Variants in HTR2B observed in about 807,000 individuals in gnomAD.
HTR2B encodes the protein 5-HT 2B receptor.
In HTR2B, 31 loss-of-function variants were observed where a neutral mutation model predicts 39.8. The ratio of observed to expected loss-of-function variants is 0.78; its 90% CI spans 0.58 to 1.05. The LOEUF (loss-of-function observed/expected upper bound fraction) is 1.05, where lower values mean the gene tolerates loss of function less well. Among genes scored for constraint, HTR2B ranks in the 50% least tolerant of loss-of-function variants. The probability of loss-of-function intolerance (pLI) is 0.00; values close to 1 mark genes in which losing one functional copy is unlikely to be tolerated. For missense variants in HTR2B, 562 were observed against 578.0 expected, an observed-to-expected ratio of 0.97 and a Z score of 0.28; for synonymous variants, 210 against 207.1, an observed-to-expected ratio of 1.01 and a Z score of -0.12.
chr2:231,115,703 G>C (rs1480255757), intron 2 of HTR2B, among the ~76,000 whole-genome samples: 3 of 152,112 alleles, frequency 2.0e-5, no homozygotes, highest in Admixed American at 6.5e-5. Flanking sequence ...AATTAAGTCT[G>C]AATATAGAGG....
At chr2:231,122,037 G>A (rs976188976) in intron 2 of HTR2B, among the ~76,000 whole-genome samples, 1 of 151,998 alleles carries the variant, frequency 6.6e-6, no homozygotes, top group Non-Finnish European at 1.5e-5. Context: ...TTCAGAATTA[G>A]GGTTATGTTC....
chr2:231,115,583 C>CT (rs374837366), intron 2 of HTR2B, among the ~76,000 whole-genome samples: 90 of 151,966 alleles, frequency 5.9e-4, no homozygotes, highest in African/African-American at 2.0e-3. Context: ...ACTTTGCCTG[C>CT]TTGTTGAATT....
At chr2:231,118,581 A>AT (rs1238649785) in intron 2 of HTR2B, among the ~76,000 whole-genome samples, 4 of 151,966 alleles carry the variant, frequency 2.6e-5, no homozygotes, top group African/African-American at 7.2e-5. Flanking sequence ...TGGTTTGGGT[A>AT]TTTTTTTGTT....
chr2:231,120,631 A>G (rs1037729340), intron 2 of HTR2B, among the ~76,000 whole-genome samples: 2 of 152,266 alleles, frequency 1.3e-5, no homozygotes, highest in Non-Finnish European at 2.9e-5. Flanking sequence ...GTTGAATAAA[A>G]TATCTCTCAG....
intron 2 of HTR2B, among the ~76,000 whole-genome samples, chr2:231,117,940 C>T (rs1695400000): frequency 6.6e-6 from 1 of 152,024 alleles, no homozygotes; most frequent in African/African-American, 2.4e-5. Flanking sequence ...GTTCTGTATG[C>T]CAAATATGAC....
intron 2 of HTR2B, among the ~76,000 whole-genome samples, chr2:231,114,603 A>G (rs1261021460): frequency 6.6e-6 from 1 of 152,234 alleles, no homozygotes; most frequent in Non-Finnish European, 1.5e-5. Flanking sequence ...AATAATTAGT[A>G]CAGACTTTTG....
intron 3 of HTR2B, among the ~76,000 whole-genome samples, chr2:231,112,987 A>G (rs748553005): frequency 6.6e-4 from 101 of 152,216 alleles, no homozygotes; most frequent in Non-Finnish European, 1.0e-3. Context: ...CAACATGACA[A>G]AACCCCACCT....
chr2:231,108,579 C>G lies in HTR2B; in HGVS notation c.1384G>C (p.Asp462His), dbSNP rs1300743615. ...TIQSSSIILL[D>H]TLLLTENEGD... ...TCATTTTCAGTGAGGAGAAGCGTAT[C>G]TAGTAGAATGATTGATGAAGACTGA... The change falls in exon 4 of 4, where the codon GAT becomes CAT. Residue 462 changes from aspartate to histidine, a missense_variant. Physicochemically the swap from Asp to His is moderately conservative, Grantham distance 81 (BLOSUM62 -1). Coordinates refer to ENST00000258400, the MANE Select transcript of HTR2B (RefSeq NM_000867.5). The G allele has an allele frequency of 1.2e-6, 2 of 1,613,954 alleles. No individual in the cohort carries two copies. Among genetic ancestry groups the G allele is most frequent in the Middle Eastern group, 3.3e-4 (2 of 6,060 alleles).
intron 2 of HTR2B, 124 bp downstream of exon 2, chr2:231,123,289 G>T (rs926882042): frequency 3.9e-6 from 3 of 769,360 alleles, no homozygotes; most frequent in East Asian, 2.7e-5. Context: ...TTTACTTGCC[G>T]TATCTTTAAA....
intron 3 of HTR2B, among the ~76,000 whole-genome samples, chr2:231,110,332 C>A (rs1007385980): frequency 5.3e-4 from 80 of 152,126 alleles, no homozygotes; most frequent in African/African-American, 1.6e-3. Context: ...AAAAAAAGTT[C>A]TTTTATGACC....
intron 2 of HTR2B, among the ~76,000 whole-genome samples, chr2:231,114,416 T>C (rs1225246062): frequency 2.0e-5 from 3 of 152,350 alleles, no homozygotes; most frequent in Middle Eastern, 3.4e-3. Flanking sequence ...TAGCAATAAC[T>C]AGCAGCAAGA....
intron 1 of HTR2B, among the ~76,000 whole-genome samples, chr2:231,124,642 A>G (rs551198130): frequency 2.6e-5 from 4 of 152,304 alleles, no homozygotes; most frequent in Middle Eastern, 3.4e-3. Flanking sequence ...TTCATCTCTC[A>G]TGGTATGTCT....
At chr2:231,124,412 A>G (rs957277272) in intron 1 of HTR2B, among the ~76,000 whole-genome samples, 4 of 152,172 alleles carry the variant, frequency 2.6e-5, no homozygotes, top group Non-Finnish European at 5.9e-5. Flanking sequence ...ACAATAGTTC[A>G]GAATAGAACT....
At chr2:231,123,268 A>G in intron 2 of HTR2B, 145 bp downstream of exon 2, 1 of 712,446 alleles carries the variant, frequency 1.4e-6, no homozygotes, top group South Asian at 1.5e-5. Context: ...ATGATATAAA[A>G]CAAGGGACTG....
chr2:231,112,242 A>C (rs1574739354), intron 3 of HTR2B, among the ~76,000 whole-genome samples: 1 of 152,180 alleles, frequency 6.6e-6, no homozygotes, highest in East Asian at 1.9e-4. Context: ...ACTTTATTAT[A>C]GTTTTCCTCC....
chr2:231,111,524 T>G (rs1378776007), intron 3 of HTR2B, among the ~76,000 whole-genome samples: 2 of 152,244 alleles, frequency 1.3e-5, no homozygotes, highest in Non-Finnish European at 2.9e-5. Flanking sequence ...TATTATACTT[T>G]CTGTTGCCAG....
chr2:231,118,255 T>G (rs923161727), intron 2 of HTR2B, among the ~76,000 whole-genome samples: 4 of 152,130 alleles, frequency 2.6e-5, no homozygotes, highest in Non-Finnish European at 5.9e-5. Flanking sequence ...TTACTATTGT[T>G]TAACAGAAAC....
At chr2:231,115,283 G>A (rs1474979031) in intron 2 of HTR2B, among the ~76,000 whole-genome samples, 1 of 151,982 alleles carries the variant, frequency 6.6e-6, no homozygotes, top group Non-Finnish European at 1.5e-5. Flanking sequence ...TTAAAGTCAG[G>A]TAGGATTTCA....
At chr2:231,116,246 A>G (rs1695327242) in intron 2 of HTR2B, among the ~76,000 whole-genome samples, 1 of 152,190 alleles carries the variant, frequency 6.6e-6, no homozygotes, top group African/African-American at 2.4e-5. Context: ...TTTGCAGTGG[A>G]AACTACTAAA....
Sources: gnomAD v4.1 joint callset for allele counts (sites outside exome capture counted in the v4.1 genomes callset) on GRCh38, gnomAD v4.1.1 for gene constraint, MANE v1.5 for transcripts, NCBI Gene and HGNC (gene_info 2026-07-23, HGNC 2026-07-21) for gene names.